The following ATP8B4 variants were observed in gnomAD, a reference collection of about 807,000 sequenced individuals.
The protein encoded by ATP8B4 is ATPase phospholipid transporting 8B4 (putative), also known as probable phospholipid-transporting ATPase IM.
Under a neutral mutation model 145.6 loss-of-function variants are expected in ATP8B4, and 133 were observed. That is an observed-to-expected ratio of 0.91 (90% CI 0.79 to 1.05). The LOEUF (loss-of-function observed/expected upper bound fraction) is 1.05. Ranked by LOEUF, ATP8B4 falls within the 50% of genes least tolerant of loss-of-function variation. The pLI is 0.00. For missense variants in ATP8B4, 1,458 were observed against 1,425.2 expected (o/e 1.02, Z -0.37); for synonymous variants, 507 against 492.9 (o/e 1.03, Z -0.38).
chr15:50,136,258 T>G (rs1028732554), intron 1 of ATP8B4, among the ~76,000 whole-genome samples: 3 of 152,186 alleles, frequency 2.0e-5, no homozygotes, highest in African/African-American at 7.2e-5. Context: ...ATTTTTAGAT[T>G]TTTCAAAGAC....
rs375363170 is a variant in ATP8B4 at position 50,095,616 on chromosome 15, G to C, written c.28+11323C>G. Among the ~76,000 whole-genome samples, 9 of 152,028 alleles carry C rather than the reference G, an allele frequency of 5.9e-5. 1 individual carries two copies. Among genetic ancestry groups the C allele is most frequent in the Admixed American group, 5.9e-4 (9 of 15,246 alleles). Reference sequence around the variant, plus strand: ...TACAAAAAATTAAAAAACTAGCCAGGTGTGGTGGCACAGTTGTAGATGTGG... The same window carrying C: ...TACAAAAAATTAAAAAACTAGCCAGCTGTGGTGGCACAGTTGTAGATGTGG... On this transcript the variant is annotated intron_variant, in intron 2 of 27. Coordinates refer to ENST00000284509, the MANE Select transcript of ATP8B4 (RefSeq NM_024837.4).
intron 1 of ATP8B4, among the ~76,000 whole-genome samples, chr15:50,118,367 A>T (rs28598590): frequency 0.02 from 2,983 of 152,298 alleles, 102 homozygotes; most frequent in African/African-American, 0.068. Context: ...CATTTAAAAA[A>T]ATCAAAACTG....
intron 9 of ATP8B4, among the ~76,000 whole-genome samples, chr15:49,996,276 T>C (rs1271138581): frequency 6.6e-6 from 1 of 152,042 alleles, no homozygotes; most frequent in Admixed American, 6.6e-5. Context: ...CTTCATGAAG[T>C]TTGAGGTCTC....
chr15:49,891,126 T>C (rs2036744484), intron 23 of ATP8B4, among the ~76,000 whole-genome samples: 1 of 152,082 alleles, frequency 6.6e-6, no homozygotes, highest in Non-Finnish European at 1.5e-5. Flanking sequence ...CATACCCTTC[T>C]GCAAATCAAG....
chr15:50,158,696 G>C (rs940528418), intron 1 of ATP8B4, among the ~76,000 whole-genome samples: 1 of 152,258 alleles, frequency 6.6e-6, no homozygotes, highest in African/African-American at 2.4e-5. Flanking sequence ...TGAGAAATCG[G>C]ATGGTTGCTG....
intron 24 of ATP8B4, 56 bp from the exon 25 acceptor site, chr15:49,876,579 TG>T: frequency 6.2e-7 from 1 of 1,602,360 alleles, no homozygotes; most frequent in Non-Finnish European, 8.5e-7. Flanking sequence ...AGAGAGGCCT[TG>T]TATTCCCTAT....
At chr15:50,160,962 A>T (rs1269846192) in intron 1 of ATP8B4, among the ~76,000 whole-genome samples, 2 of 152,082 alleles carry the variant, frequency 1.3e-5, no homozygotes, top group Non-Finnish European at 2.9e-5. Flanking sequence ...AATGCTGAAA[A>T]CATGGTGTTG....
At chr15:50,065,866 A>T (rs1403969995) in intron 3 of ATP8B4, among the ~76,000 whole-genome samples, 2 of 152,138 alleles carry the variant, frequency 1.3e-5, no homozygotes, top group Admixed American at 1.3e-4. Context: ...AATGGGAACT[A>T]GTTTATGAGG....
At chr15:49,889,514 C>A (rs1306669614) in intron 23 of ATP8B4, among the ~76,000 whole-genome samples, 1 of 152,204 alleles carries the variant, frequency 6.6e-6, no homozygotes, top group Admixed American at 6.5e-5. Flanking sequence ...AGTCCATAAA[C>A]CAACGACAAC....
chr15:50,028,478 T>C (rs1342597303), intron 6 of ATP8B4, among the ~76,000 whole-genome samples: 1 of 152,172 alleles, frequency 6.6e-6, no homozygotes, highest in Non-Finnish European at 1.5e-5. Context: ...AGGCATTGTT[T>C]CATCTGCAGA....
intron 2 of ATP8B4, among the ~76,000 whole-genome samples, chr15:50,102,093 G>A (rs776742407): frequency 8.6e-5 from 13 of 151,936 alleles, no homozygotes; most frequent in Non-Finnish European, 1.8e-4. Context: ...CAGCAAAAGC[G>A]GTGCTAAGAG....
intron 2 of ATP8B4, among the ~76,000 whole-genome samples, chr15:50,097,709 G>C (rs1272524618): frequency 6.6e-6 from 1 of 152,088 alleles, no homozygotes; most frequent in Non-Finnish European, 1.5e-5. Context: ...CAGTAAATAG[G>C]AAACCCACCT....
chr15:49,883,321 T>C (rs2035716083), intron 23 of ATP8B4: 1 of 152,176 alleles, frequency 6.6e-6, no homozygotes, highest in Non-Finnish European at 1.5e-5. Flanking sequence ...GGGCTCGCAT[T>C]ACAAGCTACA....
chr15:50,170,939 C>T (rs1267054601), intron 1 of ATP8B4, among the ~76,000 whole-genome samples: 1 of 152,140 alleles, frequency 6.6e-6, no homozygotes, highest in Non-Finnish European at 1.5e-5. Context: ...AACTTTAAAG[C>T]AACAGTGGTT....
intron 6 of ATP8B4, among the ~76,000 whole-genome samples, chr15:50,034,855 T>A (rs576575496): frequency 3.0e-4 from 46 of 152,324 alleles, no homozygotes; most frequent in African/African-American, 9.9e-4. Context: ...TGGCCAGGAA[T>A]AGTTAGCATG....
At chr15:49,950,876 T>C (rs2043045739) in intron 14 of ATP8B4, among the ~76,000 whole-genome samples, 1 of 152,214 alleles carries the variant, frequency 6.6e-6, no homozygotes, top group Non-Finnish European at 1.5e-5. Flanking sequence ...TTTAGCTGTG[T>C]CTCAGAGATT....
chr15:49,988,082 G>T (rs374583207), intron 9 of ATP8B4, among the ~76,000 whole-genome samples: 2 of 152,144 alleles, frequency 1.3e-5, no homozygotes, highest in Non-Finnish European at 2.9e-5. Context: ...CTGAGAATGC[G>T]TGTGATTCCT....
chr15:50,050,861 A>G (rs2052128636), intron 3 of ATP8B4, among the ~76,000 whole-genome samples: 1 of 152,228 alleles, frequency 6.6e-6, no homozygotes, highest in African/African-American at 2.4e-5. Flanking sequence ...GGTGACAGAT[A>G]TTACTGAAAT....
chr15:49,977,096 G>A (rs1019340826), intron 12 of ATP8B4, among the ~76,000 whole-genome samples: 9 of 152,090 alleles, frequency 5.9e-5, no homozygotes, highest in African/African-American at 1.7e-4. Flanking sequence ...CAAAGTAAGT[G>A]TCCTTTGCTC....
Sources: gnomAD v4.1 joint callset for allele counts (sites outside exome capture counted in the v4.1 genomes callset) on GRCh38, gnomAD v4.1.1 for gene constraint, MANE v1.5 for transcripts, NCBI Gene and HGNC (gene_info 2026-07-23, HGNC 2026-07-21) for gene names.